The following FAM193A variants were observed in gnomAD, a reference collection of about 807,000 sequenced individuals.
FAM193A encodes the protein family with sequence similarity 193 member A, also known as protein FAM193A.
Under a neutral mutation model 126.5 loss-of-function variants are expected in FAM193A, and 22 were observed. That is an observed-to-expected ratio of 0.17 (90% CI 0.12 to 0.25). FAM193A has a LOEUF of 0.25. Ranked by LOEUF, FAM193A falls within the 10% of genes least tolerant of loss-of-function variation. The pLI is 1.00. For synonymous variants in FAM193A, 761 were observed against 646.8 expected, an observed-to-expected ratio of 1.18 and a Z score of -2.68; for missense variants, 1,675 against 1,672.8, an observed-to-expected ratio of 1.00 and a Z score of -0.02.
chr4:2,718,407 G>A (rs1000303566), intron 20 of FAM193A, among the ~76,000 whole-genome samples: 1 of 146,950 alleles, frequency 6.8e-6, no homozygotes, highest in African/African-American at 2.5e-5. Context: ...TTTTGTGTGT[G>A]TTTGAAAATG....
In FAM193A at chr4:2,693,631, C is replaced by A. The variant is rs1166803687; in HGVS notation, c.2849C>A (p.Ala950Asp). The change falls in exon 16 of 21, where the codon GCC becomes GAC. Residue 950 changes from alanine to aspartate, a missense_variant. This residue lies in a region of FAM193A where 1,186 missense variants were observed against 1,109.2 expected (regional missense o/e 1.07). Coordinates refer to ENST00000637812, the MANE Select transcript of FAM193A (RefSeq NM_001366318.2). ...AGCAAGGAGGACCACAGACACTCGG[C>A]CCCAGCCGCCCCGAGGAATAGCCCC... ...GISKEDHRHS[A>D]PAAPRNSPTG... The A allele has an allele frequency of 6.2e-7, 1 of 1,614,036 alleles. No individual in the cohort carries two copies. The highest frequency in any genetic ancestry group is 8.5e-7 in the Non-Finnish European group (1 of 1,179,958).
intron 5 of FAM193A, among the ~76,000 whole-genome samples, chr4:2,638,615 T>G (rs1209557640): frequency 6.6e-6 from 1 of 152,238 alleles, no homozygotes; most frequent in Non-Finnish European, 1.5e-5. Context: ...TTCTTGTGTT[T>G]CCAGGTATGA....
chr4:2,700,215 G>T lies in FAM193A; in HGVS notation c.4043G>T (p.Ser1348Ile). 1 of 1,613,948 alleles carries T rather than the reference G, an allele frequency of 6.2e-7. No individual in the cohort carries two copies. The highest frequency in any genetic ancestry group is 1.6e-4 in the Middle Eastern group (1 of 6,062). Residue 1348 changes from serine to isoleucine, a missense_variant, in exon 19 of 21, where the codon AGC (serine) becomes ATC (isoleucine). Transcript: ENST00000637812. ...CTGAGGCAGACCAGCAAGGCCAGCA[G>T]CGAGCCAGCGAGGAGGCCCACAGAG... ...QKLRQTSKAS[S>I]EPARRPTEPP...
intron 1 of FAM193A, among the ~76,000 whole-genome samples, chr4:2,555,431 C>T (rs1293519579): frequency 6.6e-6 from 1 of 152,016 alleles, no homozygotes; most frequent in Non-Finnish European, 1.5e-5. Context: ...AACTTGGTGA[C>T]CAAATTCTAG....
intron 2 of FAM193A, among the ~76,000 whole-genome samples, chr4:2,605,300 T>C (rs1741469980): frequency 6.6e-6 from 1 of 152,204 alleles, no homozygotes; most frequent in Non-Finnish European, 1.5e-5. Flanking sequence ...TAGTCCTCAC[T>C]CTTACTGTTC....
At chr4:2,629,371 T>C (rs1488540311) in intron 4 of FAM193A, among the ~76,000 whole-genome samples, 1 of 152,218 alleles carries the variant, frequency 6.6e-6, no homozygotes, top group African/African-American at 2.4e-5. Context: ...AGGACAGTTT[T>C]TTATACTAGT....
intron 19 of FAM193A, among the ~76,000 whole-genome samples, chr4:2,708,627 T>C (rs562750838): frequency 7.4e-4 from 112 of 152,042 alleles, no homozygotes; most frequent in African/African-American, 2.6e-3. Context: ...CATGCCCAGC[T>C]AGTTTTTGTA....
At chr4:2,632,839 G>C (rs1346803010) in intron 5 of FAM193A, among the ~76,000 whole-genome samples, 1 of 152,124 alleles carries the variant, frequency 6.6e-6, no homozygotes, top group African/African-American at 2.4e-5. Context: ...CTGCCCTTCA[G>C]AGGTTCAAAT....
At chr4:2,606,610 T>G (rs1741564883) in intron 2 of FAM193A, among the ~76,000 whole-genome samples, 1 of 152,258 alleles carries the variant, frequency 6.6e-6, no homozygotes, top group Non-Finnish European at 1.5e-5. Flanking sequence ...TCCATTGGTC[T>G]GTCTTGTCCT....
In FAM193A at chr4:2,626,484, G is replaced by A. The variant is rs145074195; in HGVS notation, c.710G>A (p.Arg237His). The A allele has an allele frequency of 8.0e-5, 56 of 702,622 alleles. No individual in the cohort carries two copies. Among genetic ancestry groups the A allele is most frequent in the African/African-American group, 6.3e-4 (36 of 57,364 alleles). 43.5% of individuals were successfully genotyped at this position (702,622 alleles called of 1,614,324 possible). Residue 237 changes from arginine to histidine, a missense_variant, in exon 4 of 21, where the codon CGC becomes CAC. This residue lies in a region of FAM193A where 1,186 missense variants were observed against 1,109.2 expected (regional missense o/e 1.07). Transcript: ENST00000637812. ...TGGTCAGAAGTGCGCTACACGGTGC[G>A]CTGCATCTACCGCCAGGCAGGAACC... is the stretch of plus-strand genomic sequence containing the variant. ...NYWSEVRYTV[R>H]CIYRQAGTPL...
chr4:2,577,288 C>T (rs1027331796), intron 1 of FAM193A, among the ~76,000 whole-genome samples: 2 of 152,054 alleles, frequency 1.3e-5, no homozygotes, highest in Non-Finnish European at 2.9e-5. Flanking sequence ...GTGCTTGGGA[C>T]TATTGTGTTC....
chr4:2,537,612 C>T (rs1174320115), intron 1 of FAM193A, among the ~76,000 whole-genome samples: 7 of 152,248 alleles, frequency 4.6e-5, no homozygotes, highest in African/African-American at 1.7e-4. Context: ...AGAGCGACTG[C>T]GATTCCGGGA....
At chr4:2,552,141 A>G (rs553575757) in intron 1 of FAM193A, among the ~76,000 whole-genome samples, 13 of 150,828 alleles carry the variant, frequency 8.6e-5, no homozygotes, top group African/African-American at 3.2e-4. Flanking sequence ...CCTCCGGAGT[A>G]GCTGGGACTA....
intron 1 of FAM193A, among the ~76,000 whole-genome samples, chr4:2,595,127 C>T (rs1465977973): frequency 3.3e-5 from 5 of 152,054 alleles, no homozygotes; most frequent in Admixed American, 2.0e-4. Context: ...CAGCTCACTA[C>T]AGCCTCGACT....
At chr4:2,693,544 T>C in intron 15 of FAM193A, 42 bp from the exon 16 acceptor site, 1 of 1,570,716 alleles carries the variant, frequency 6.4e-7, no homozygotes, top group Non-Finnish European at 8.7e-7. Context: ...TTGAACATTT[T>C]TGAAACAAAC....
intron 10 of FAM193A, among the ~76,000 whole-genome samples, chr4:2,660,382 C>G (rs1208880926): frequency 6.6e-6 from 1 of 152,184 alleles, no homozygotes; most frequent in Non-Finnish European, 1.5e-5. Flanking sequence ...GTCCTGTCTC[C>G]CTGTCAGCCC....
chr4:2,549,677 T>G (rs2108816816), intron 1 of FAM193A, among the ~76,000 whole-genome samples: 1 of 152,166 alleles, frequency 6.6e-6, no homozygotes. Flanking sequence ...ATTACAGGCG[T>G]GAGCCACCGC....
intron 19 of FAM193A, among the ~76,000 whole-genome samples, chr4:2,705,414 G>T (rs1718192725): frequency 6.6e-6 from 1 of 151,664 alleles, no homozygotes; most frequent in Admixed American, 6.6e-5. Flanking sequence ...CGCTAACATT[G>T]TGATTAAAGA....
At chr4:2,698,801 T>G (rs572216807) in intron 18 of FAM193A, among the ~76,000 whole-genome samples, 3 of 152,228 alleles carry the variant, frequency 2.0e-5, no homozygotes, top group Non-Finnish European at 4.4e-5. Context: ...AAATGCTGTC[T>G]TTACTTGGGA....
Sources: gnomAD v4.1 joint callset for allele counts (sites outside exome capture counted in the v4.1 genomes callset) on GRCh38, gnomAD v4.1.1 for gene constraint, gnomAD v4.1.1 regional missense constraint, MANE v1.5 for transcripts, NCBI Gene and HGNC (gene_info 2026-07-23, HGNC 2026-07-21) for gene names.